Variants in HLCS observed in about 807,000 individuals in gnomAD.
HLCS encodes the protein holocarboxylase synthetase.
A neutral mutation model predicts 75.0 loss-of-function variants in HLCS; 53 were observed. The observed-to-expected ratio is 0.71, with a 90% CI of 0.57 to 0.89. The LOEUF (loss-of-function observed/expected upper bound fraction) is 0.89, where lower values mean the gene tolerates loss of function less well. HLCS is among the 40% of genes least tolerant of loss of function. The pLI, the probability that HLCS is intolerant of heterozygous loss-of-function variation, is 0.00. For missense variants in HLCS, 966 were observed against 1,074.0 expected, an observed-to-expected ratio of 0.90 and a Z score of 1.41; for synonymous variants, 431 against 428.6, an observed-to-expected ratio of 1.01 and a Z score of -0.07.
chr21:36,908,460 T>A (rs1473811534), intron 5 of HLCS, among the ~76,000 whole-genome samples: 1 of 152,084 alleles, frequency 6.6e-6, no homozygotes, highest in African/African-American at 2.4e-5. Context: ...AGAACTCTCA[T>A]GCCCTACTGG....
At chr21:36,841,034 T>C (rs925923236) in intron 6 of HLCS, among the ~76,000 whole-genome samples, 4 of 152,172 alleles carry the variant, frequency 2.6e-5, no homozygotes, top group Admixed American at 6.5e-5. Flanking sequence ...GGTGGGTATT[T>C]TATAGTATAT....
intron 6 of HLCS, among the ~76,000 whole-genome samples, chr21:36,867,879 T>A (rs900417474): frequency 1.3e-5 from 2 of 152,202 alleles, no homozygotes; most frequent in African/African-American, 4.8e-5. Context: ...ACGCCTGTAA[T>A]CCCAATACTT....
chr21:36,819,020 G>A lies in HLCS; in HGVS notation c.1893-51735C>T, dbSNP rs533676107. 2.2e-4 allele frequency among the ~76,000 whole-genome samples: 34 copies of A among 152,210 alleles called. 1 individual carries two copies. In the South Asian group the frequency reaches 6.9e-3, roughly 31 times the overall value. On this transcript the variant is annotated intron_variant, in intron 6 of 10. Coordinates refer to ENST00000674895, the MANE Select transcript of HLCS (RefSeq NM_001352514.2). The stretch of plus-strand genomic sequence containing the variant: ...ATTATAAAGCAACGTCGATGCTAAC[G>A]CCAGAAACACCAAGGACGAAATGCT...
intron 5 of HLCS, among the ~76,000 whole-genome samples, chr21:36,922,721 G>C (rs1203525123): frequency 1.3e-5 from 2 of 152,088 alleles, no homozygotes; most frequent in Non-Finnish European, 2.9e-5. Flanking sequence ...TGCACCCCAA[G>C]TTGTTTCTCC....
At chr21:36,982,885 C>T (rs145904301) in intron 1 of HLCS, among the ~76,000 whole-genome samples, 6,731 of 152,116 alleles carry the variant, frequency 0.044, 219 homozygotes, top group South Asian at 0.15. Flanking sequence ...AAAAATTAGC[C>T]AGCCATGGTG....
At chr21:36,764,850 C>G in intron 8 of HLCS, among the ~76,000 whole-genome samples, 162 bp downstream of exon 8, 1 of 152,234 alleles carries the variant, frequency 6.6e-6, no homozygotes, top group East Asian at 1.9e-4. Context: ...GCATTAGCAC[C>G]TGGTGGTGCT....
intron 6 of HLCS, among the ~76,000 whole-genome samples, chr21:36,817,929 C>T (rs1304401636): frequency 6.6e-6 from 1 of 152,182 alleles, no homozygotes; most frequent in African/African-American, 2.4e-5. Context: ...AATGAAAAGG[C>T]AGCCAGGCTT....
At chr21:36,803,913 A>G (rs2061287345) in intron 6 of HLCS, 1 of 152,118 alleles carries the variant, frequency 6.6e-6, no homozygotes, top group Non-Finnish European at 1.5e-5. Flanking sequence ...ATTCACTCCC[A>G]AGCCATCCAC....
chr21:36,825,576 A>G (rs1042020426), intron 6 of HLCS, among the ~76,000 whole-genome samples: 12 of 152,078 alleles, frequency 7.9e-5, no homozygotes, highest in Non-Finnish European at 1.5e-5. Flanking sequence ...TTTCCATTAA[A>G]ATGCAGGAGG....
intron 6 of HLCS, among the ~76,000 whole-genome samples, chr21:36,852,905 G>A (rs2146148124): frequency 6.6e-6 from 1 of 152,188 alleles, no homozygotes; most frequent in Non-Finnish European, 1.5e-5. Flanking sequence ...TTTAATTCAG[G>A]ACCTGACAGA....
Position 36,937,127 on chromosome 21 carries a change from G to T in HLCS, c.759C>A (p.Cys253Ter). ...VEHYHLHLSS[C>*]HECLELENST... is the part of the protein sequence containing the mutation. ...TGTTCTCAAGTTCCAGACACTCGTG[G>T]CAACTAGACAGATGGAGGTGATAAT... The change falls in exon 4 of 11, where the codon TGC becomes TGA. Residue 253 changes from cysteine (C) to a stop codon, truncating the protein, a stop_gained. Coordinates refer to ENST00000674895, the MANE Select transcript of HLCS (RefSeq NM_001352514.2). LOFTEE classifies it high-confidence loss of function. 6.2e-7 allele frequency: 1 copy of T among 1,614,126 alleles called. No individual in the cohort carries two copies. Among genetic ancestry groups the T allele is most frequent in the Non-Finnish European group, 8.5e-7 (1 of 1,180,030 alleles).
At chr21:36,823,167 T>G (rs2146011632) in intron 6 of HLCS, among the ~76,000 whole-genome samples, 1 of 152,324 alleles carries the variant, frequency 6.6e-6, no homozygotes. Context: ...CAGTAATACA[T>G]TAAGCTGAAC....
At chr21:36,862,101 C>T (rs759979854) in intron 6 of HLCS, among the ~76,000 whole-genome samples, 2 of 152,362 alleles carry the variant, frequency 1.3e-5, no homozygotes, top group Non-Finnish European at 2.9e-5. Context: ...CAAGGTTCAT[C>T]CATGGTACAG....
At chr21:36,870,757 T>C (rs2063740518) in intron 6 of HLCS, among the ~76,000 whole-genome samples, 1 of 152,180 alleles carries the variant, frequency 6.6e-6, no homozygotes, top group Non-Finnish European at 1.5e-5. Context: ...GAGCTAGAGA[T>C]ATCAAGGCTA....
chr21:36,869,710 T>A (rs547732383), intron 6 of HLCS, among the ~76,000 whole-genome samples: 22 of 152,308 alleles, frequency 1.4e-4, no homozygotes, highest in African/African-American at 5.1e-4. Context: ...TAAAATAAAT[T>A]TTCTTCTAGA....
At chr21:36,883,192 G>A (rs2064304173) in intron 6 of HLCS, among the ~76,000 whole-genome samples, 1 of 152,184 alleles carries the variant, frequency 6.6e-6, no homozygotes, top group South Asian at 2.1e-4. Flanking sequence ...AATGGTAGGT[G>A]TGTAAAAGAT....
At chr21:36,841,200 T>G (rs545943322) in intron 6 of HLCS, among the ~76,000 whole-genome samples, 1 of 152,346 alleles carries the variant, frequency 6.6e-6, no homozygotes, top group East Asian at 1.9e-4. Flanking sequence ...TTCAACCGAA[T>G]TGGCTTATAT....
intron 6 of HLCS, among the ~76,000 whole-genome samples, chr21:36,770,492 G>A (rs758670009): frequency 2.0e-5 from 3 of 151,984 alleles, no homozygotes; most frequent in Non-Finnish European, 4.4e-5. Flanking sequence ...ATTCAAAAAG[G>A]GCAGGAAGGA....
intron 6 of HLCS, among the ~76,000 whole-genome samples, chr21:36,894,750 C>G (rs999732213): frequency 6.6e-6 from 1 of 152,170 alleles, no homozygotes; most frequent in Admixed American, 6.5e-5. Flanking sequence ...AAAGTAAAAA[C>G]TCTTAACCCT....
Sources: allele counts gnomAD v4.1 joint callset (sites outside exome capture counted in the v4.1 genomes callset), GRCh38; gene constraint gnomAD v4.1.1; transcripts MANE v1.5; gene names NCBI Gene and HGNC (gene_info 2026-07-23, HGNC 2026-07-21).